The following STK3 variants were observed in gnomAD, a reference collection of about 807,000 sequenced individuals.
The protein encoded by STK3 is serine/threonine kinase 3.
Under a neutral mutation model 58.0 loss-of-function variants are expected in STK3, and 41 were observed. The observed-to-expected ratio is 0.71, with a 90% CI of 0.55 to 0.92. The LOEUF (loss-of-function observed/expected upper bound fraction) is 0.92. STK3 is among the 40% of genes least tolerant of loss of function. The pLI is 0.00. For synonymous variants in STK3, 170 were observed against 191.0 expected, an observed-to-expected ratio of 0.89 and a Z score of 0.91; for missense variants, 479 against 602.7, an observed-to-expected ratio of 0.79 and a Z score of 2.15.
At chr8:98,645,323 T>C (rs561470885) in intron 6 of STK3, among the ~76,000 whole-genome samples, 2 of 152,318 alleles carry the variant, frequency 1.3e-5, no homozygotes, top group East Asian at 3.9e-4. Flanking sequence ...GACTCCAATA[T>C]TAGCTTCAAA....
intron 4 of STK3, among the ~76,000 whole-genome samples, chr8:98,709,265 G>C (rs1826207194): frequency 1.3e-5 from 2 of 152,044 alleles, no homozygotes; most frequent in East Asian, 1.9e-4. Flanking sequence ...AGCTACTTTA[G>C]ATTGACATTC....
intron 3 of STK3, among the ~76,000 whole-genome samples, chr8:98,402,345 T>C (rs1455964729): frequency 6.6e-6 from 1 of 152,172 alleles, no homozygotes; most frequent in South Asian, 2.1e-4. Flanking sequence ...CTGGCCTGCA[T>C]ATCTTGAGCC....
intron 10 of STK3, among the ~76,000 whole-genome samples, chr8:98,521,855 T>C (rs933601886): frequency 6.6e-6 from 1 of 152,168 alleles, no homozygotes; most frequent in Non-Finnish European, 1.5e-5. Context: ...TCTTCCACAT[T>C]ATAATTTCAT....
At chr8:98,804,416 G>A (rs772672230) in intron 1 of STK3, among the ~76,000 whole-genome samples, 8 of 152,178 alleles carry the variant, frequency 5.3e-5, no homozygotes, top group African/African-American at 1.9e-4. Flanking sequence ...AGTCACTTGA[G>A]TAATAAATGG....
intron 6 of STK3, among the ~76,000 whole-genome samples, chr8:98,686,074 CAG>C (rs1392368473): frequency 5.3e-5 from 8 of 152,154 alleles, no homozygotes; most frequent in African/African-American, 1.7e-4. Flanking sequence ...TTAAATAAAA[CAG>C]AAATCTAAAT....
At chr8:98,479,316 G>A (rs1821636647) in intron 10 of STK3, among the ~76,000 whole-genome samples, 1 of 151,952 alleles carries the variant, frequency 6.6e-6, no homozygotes, top group African/African-American at 2.4e-5. Flanking sequence ...GTGAAACCCT[G>A]TCTCTACTAA....
chr8:98,422,340 GC>G (rs1186916986), intron 3 of STK3, among the ~76,000 whole-genome samples: 6 of 151,978 alleles, frequency 3.9e-5, no homozygotes, highest in Non-Finnish European at 7.4e-5. Context: ...CTTCACTGGG[GC>G]CTAGACCTGG....
the STK3 span, among the ~76,000 whole-genome samples, chr8:98,358,764 C>A: frequency 6.6e-6 from 1 of 152,080 alleles, no homozygotes; most frequent in Non-Finnish European, 1.5e-5. Flanking sequence ...AAGCGCCAAG[C>A]CTTCAAACAA....
rs867657203 is a variant in STK3 at position 98,448,564 on chromosome 8, T to C, written n.186-11356A>G. On this transcript the variant is annotated intron_variant and non_coding_transcript_variant, in intron 1 of 3. Transcript: ENST00000517832. ...TATACACTGAACATCAGGGAATATT[T>C]AAAAGCTCAGTGCTTTAGTATCAGG... Among the ~76,000 whole-genome samples the C allele has an allele frequency of 5.9e-5, 9 of 152,322 alleles. No individual in the cohort carries two copies. The Middle Eastern group carries it at 0.01, about 173-fold the overall frequency.
intron 1 of STK3, among the ~76,000 whole-genome samples, chr8:98,934,103 A>G (rs1339276832): frequency 6.6e-6 from 1 of 152,172 alleles, no homozygotes; most frequent in East Asian, 1.9e-4. Flanking sequence ...GGTTATATTA[A>G]TAAAAAGGCC....
intron 10 of STK3, among the ~76,000 whole-genome samples, chr8:98,497,495 CAG>C (rs1174386251): frequency 2.6e-5 from 4 of 151,828 alleles, no homozygotes; most frequent in Non-Finnish European, 5.9e-5. Flanking sequence ...ACCATCAAGA[CAG>C]TGAAAATACA....
chr8:98,702,620 G>T (rs192817345), intron 6 of STK3, among the ~76,000 whole-genome samples: 30 of 152,292 alleles, frequency 2.0e-4, no homozygotes, highest in Non-Finnish European at 4.0e-4. Flanking sequence ...CTGAGAAAAT[G>T]ACTGGGAAAC....
chr8:98,784,346 C>A (rs1832318615), intron 1 of STK3, among the ~76,000 whole-genome samples: 1 of 152,224 alleles, frequency 6.6e-6, no homozygotes, highest in Non-Finnish European at 1.5e-5. Flanking sequence ...CTCTCCTCCA[C>A]TGCAGGTCAA....
intron 1 of STK3, among the ~76,000 whole-genome samples, chr8:98,812,593 T>G (rs1834297880): frequency 6.6e-6 from 1 of 152,206 alleles, no homozygotes. Flanking sequence ...ACACATATGT[T>G]TACTGTGGCA....
At chr8:98,475,112 C>G (rs1821210698) in intron 10 of STK3, among the ~76,000 whole-genome samples, 1 of 152,190 alleles carries the variant, frequency 6.6e-6, no homozygotes, top group African/African-American at 2.4e-5. Flanking sequence ...TTCCTGAAAT[C>G]TGAGCTCATC....
intron 6 of STK3, among the ~76,000 whole-genome samples, chr8:98,677,932 A>G (rs1395477129): frequency 6.6e-6 from 1 of 152,252 alleles, no homozygotes; most frequent in Non-Finnish European, 1.5e-5. Flanking sequence ...AGCTGGCAAC[A>G]GAAGTATGCT....
intron 8 of STK3, among the ~76,000 whole-genome samples, chr8:98,554,580 C>T (rs763658782): frequency 7.2e-5 from 11 of 152,108 alleles, no homozygotes; most frequent in Middle Eastern, 3.4e-3. Context: ...TTTTTACTTA[C>T]GTAGTCAATT....
In STK3 at chr8:98,651,875, C is replaced by T. The variant is rs546356642; in HGVS notation, c.684+54592G>A. ...GTCTGATTGGTGTACCTGAAAGTGA[C>T]AGGGAGAATGGAACCAAGTTGGAAA... On this transcript the variant is annotated intron_variant, in intron 6 of 10. Coordinates refer to ENST00000419617, the MANE Select transcript of STK3 (RefSeq NM_006281.4). 6.6e-3 allele frequency among the ~76,000 whole-genome samples: 1,006 copies of T among 152,208 alleles called. 4 individuals are homozygous for T. The highest frequency in any genetic ancestry group is 8.9e-3 in the Non-Finnish European group (605 of 68,006).
chr8:98,380,651 C>T (rs1817722837), intron 1 of STK3, among the ~76,000 whole-genome samples: 1 of 152,152 alleles, frequency 6.6e-6, no homozygotes, highest in African/African-American at 2.4e-5. Context: ...ACCTGTTTTC[C>T]TCAGACCCTC....
Sources: allele counts gnomAD v4.1 joint callset (sites outside exome capture counted in the v4.1 genomes callset), GRCh38; gene constraint gnomAD v4.1.1; transcripts MANE v1.5; gene names NCBI Gene and HGNC (gene_info 2026-07-23, HGNC 2026-07-21).